BLTP2: variants seen among roughly 807,000 people sequenced by gnomAD.
BLTP2 encodes the protein U937-associated antigen.
chr17:28,631,140 G>C, the BLTP2 span, among the ~76,000 whole-genome samples: 1 of 152,104 alleles, frequency 6.6e-6, no homozygotes, highest in Non-Finnish European at 1.5e-5. Context: ...TGGGCCTTTG[G>C]GAGGTAATGA....
chr17:28,634,567 A>T, the BLTP2 span: 1 of 1,614,156 alleles, frequency 6.2e-7, no homozygotes, highest in South Asian at 1.1e-5. Flanking sequence ...CTGAATGACA[A>T]GATCTAATCC....
At chr17:28,624,498 C>G in the BLTP2 span, 1 of 931,382 alleles carries the variant, frequency 1.1e-6, no homozygotes, top group African/African-American at 1.7e-5. Flanking sequence ...TAGGTAAGAG[C>G]TTAGAATACA....
chr17:28,633,093 A>G, the BLTP2 span: 4 of 1,591,446 alleles, frequency 2.5e-6, no homozygotes, highest in South Asian at 2.3e-5. Flanking sequence ...GGGGGTTCCC[A>G]TGGCACAGCC....
chr17:28,640,788 T>C, the BLTP2 span: 1 of 1,073,812 alleles, frequency 9.3e-7, no homozygotes, highest in Non-Finnish European at 1.4e-6. Context: ...TAAAGTAGGC[T>C]AAGCAAATGC....
the BLTP2 span, chr17:28,638,743 G>A: frequency 1.4e-6 from 1 of 729,236 alleles, no homozygotes; most frequent in South Asian, 1.9e-5. Context: ...AGAATTCAGA[G>A]TTTTATTGTG....
the BLTP2 span, chr17:28,615,792 T>A: frequency 1.2e-6 from 2 of 1,613,966 alleles, no homozygotes; most frequent in Admixed American, 3.3e-5. Flanking sequence ...ACACTGTTCT[T>A]CTCACCCTGT....
At chr17:28,645,071 G>C in the BLTP2 span, 2 of 1,573,844 alleles carry the variant, frequency 1.3e-6, no homozygotes, top group Middle Eastern at 1.7e-4. Flanking sequence ...GTCCGGGTCC[G>C]GCCCGGCTTG....
At chr17:28,620,583 TG>T in the BLTP2 span, 1 of 1,614,174 alleles carries the variant, frequency 6.2e-7, no homozygotes, top group Non-Finnish European at 8.5e-7. Context: ...GCTGGGTTGG[TG>T]GAAATTTCCA....
At chr17:28,627,958 T>C in the BLTP2 span, among the ~76,000 whole-genome samples, 1 of 152,074 alleles carries the variant, frequency 6.6e-6, no homozygotes, top group African/African-American at 2.4e-5. Context: ...ACTGTGCCCA[T>C]CCAACTCCCA....
At chr17:28,620,955 T>C in the BLTP2 span, 1 of 1,589,024 alleles carries the variant, frequency 6.3e-7, no homozygotes, top group Non-Finnish European at 8.6e-7. Context: ...ATTTCTCTAG[T>C]CCCTTCCTAA....
the BLTP2 span, chr17:28,618,688 C>T: frequency 3.3e-5 from 29 of 870,880 alleles, no homozygotes; most frequent in Admixed American, 2.1e-4. Flanking sequence ...AATAATCATA[C>T]AATAATTAAC....
chr17:28,634,414 CG>C, the BLTP2 span: 1 of 619,488 alleles, frequency 1.6e-6, no homozygotes, highest in Non-Finnish European at 2.7e-6. Flanking sequence ...CCACCCAAAA[CG>C]GCACAGTTCC....
the BLTP2 span, chr17:28,620,483 A>C: frequency 5.0e-6 from 8 of 1,612,886 alleles, no homozygotes; most frequent in Non-Finnish European, 6.8e-6. Context: ...GAGGCTAACC[A>C]GCATTCTACA....
the BLTP2 span, chr17:28,621,504 GA>G: frequency 1.2e-6 from 2 of 1,610,716 alleles, no homozygotes; most frequent in Admixed American, 1.7e-5. Context: ...TTCACCTGAA[GA>G]AAGAGATGCA....
chr17:28,643,095 A>G, the BLTP2 span: 1 of 1,600,960 alleles, frequency 6.2e-7, no homozygotes, highest in South Asian at 1.1e-5. Flanking sequence ...AAAACAGAAA[A>G]ATCTACCCAT....
chr17:28,635,712 A>C, the BLTP2 span: 33 of 1,220,342 alleles, frequency 2.7e-5, no homozygotes, highest in Non-Finnish European at 3.6e-5. Flanking sequence ...AACCATCTCC[A>C]CCCAGAAGTT....
chr17:28,616,789 C>G, the BLTP2 span: 2 of 1,613,382 alleles, frequency 1.2e-6, no homozygotes, highest in East Asian at 2.2e-5. The surrounding 1 kb of genome is among the most constrained non-coding windows in gnomAD (Gnocchi z 4.8). Flanking sequence ...CAATTAAGCT[C>G]AGATACCATC....
the BLTP2 span, chr17:28,620,455 A>G: frequency 6.3e-7 from 1 of 1,596,338 alleles, no homozygotes; most frequent in Non-Finnish European, 8.5e-7. Flanking sequence ...ATAAAGCACA[A>G]AGTCTGGGTG....
At chr17:28,625,275 G>A in the BLTP2 span, among the ~76,000 whole-genome samples, 6 of 131,726 alleles carry the variant, frequency 4.6e-5, no homozygotes. Context: ...GGCAGAGGTT[G>A]CAGTGAGCCG....
Sources: gnomAD v4.1 joint callset for allele counts (sites outside exome capture counted in the v4.1 genomes callset) on GRCh38, gnomAD v4.1.1 for gene constraint, Gnocchi (gnomAD v3.1) non-coding constraint, MANE v1.5 for transcripts, NCBI Gene and HGNC (gene_info 2026-07-23, HGNC 2026-07-21) for gene names.